NOD2: variants seen among roughly 807,000 people sequenced by gnomAD.
NOD2 encodes nucleotide binding oligomerization domain containing 2.
In NOD2, 86 loss-of-function variants were observed where a neutral mutation model predicts 90.9. The observed-to-expected ratio is 0.95, with a 90% CI of 0.79 to 1.13. The LOEUF (loss-of-function observed/expected upper bound fraction) is 1.13. NOD2 is among the 50% of genes most tolerant of loss of function. The pLI is 0.00. For missense variants in NOD2, 1,238 were observed against 1,283.8 expected (o/e 0.96, Z 0.55); for synonymous variants, 581 against 554.6 (o/e 1.05, Z -0.67).
intron 1 of NOD2, chr16:50,697,755 T>C: frequency 3.5e-6 from 1 of 288,080 alleles, no homozygotes; most frequent in Non-Finnish European, 6.9e-6. Flanking sequence ...AGTAACCTCA[T>C]TGCCTCAGTT....
rs1208002758 is a variant in NOD2, at chr16:50,712,148, T to C, written c.2156T>C (p.Leu719Pro). 6 of 1,614,010 alleles carry C rather than the reference T, an allele frequency of 3.7e-6. No individual in the cohort carries two copies. The Admixed American group carries it at 5.0e-5, about 13-fold the overall frequency. ...GGGTTCATCTGGCTCATCCGGAGCC[T>C]GTACGAGATGCAGGAGGAGCGGCTG... ...MPGFIWLIRS[L>P]YEMQEERLAR... Residue 719 changes from leucine to proline, a missense_variant, in exon 4 of 12, where the codon CTG becomes CCG. By Grantham distance (98) the Leu-to-Pro change is moderately conservative. Coordinates refer to ENST00000647318, the MANE Select transcript of NOD2 (RefSeq NM_001370466.1).
chr16:50,726,855 G>A (rs1335783589), intron 10 of NOD2, among the ~76,000 whole-genome samples: 2 of 152,188 alleles, frequency 1.3e-5, no homozygotes, highest in Non-Finnish European at 2.9e-5. Flanking sequence ...TGAGAGCCCA[G>A]GCTTGCTGGG....
chr16:50,716,813 G>T, intron 5 of NOD2, 78 bp from the exon 6 acceptor site: 1 of 1,516,704 alleles, frequency 6.6e-7, no homozygotes, highest in Non-Finnish European at 9.2e-7. Context: ...GCCCAGAGGG[G>T]AAGGGCAACC....
chr16:50,708,613 C>A (rs1964312556), intron 3 of NOD2, among the ~76,000 whole-genome samples: 1 of 152,242 alleles, frequency 6.6e-6, no homozygotes, highest in South Asian at 2.1e-4. Flanking sequence ...CCCACCTACA[C>A]TTTCTCTTTT....
chr16:50,702,052 C>A (rs973744900), intron 2 of NOD2, among the ~76,000 whole-genome samples: 1 of 152,126 alleles, frequency 6.6e-6, no homozygotes, highest in African/African-American at 2.4e-5. Flanking sequence ...CTGAAGTGAT[C>A]CTCCCGCCTC....
intron 9 of NOD2, among the ~76,000 whole-genome samples, chr16:50,723,871 A>G (rs1965174480): frequency 2.0e-5 from 3 of 152,204 alleles, no homozygotes; most frequent in African/African-American, 7.2e-5. Flanking sequence ...GGTTACTACT[A>G]CTATTACTGC....
At chr16:50,729,743 C>A in intron 10 of NOD2, 75 bp from the exon 11 acceptor site, 2 of 1,258,810 alleles carry the variant, frequency 1.6e-6, no homozygotes, top group Non-Finnish European at 2.3e-6. Context: ...CTAACTCCTG[C>A]AGTCTCTTTA....
chr16:50,721,842 G>C (rs975005476), intron 7 of NOD2, among the ~76,000 whole-genome samples: 16 of 152,060 alleles, frequency 1.1e-4, no homozygotes, highest in African/African-American at 3.9e-4. Flanking sequence ...GTATTTAACT[G>C]GTCACTTTTT....
At chr16:50,729,440 C>T (rs1174016520) in intron 10 of NOD2, among the ~76,000 whole-genome samples, 3 of 152,138 alleles carry the variant, frequency 2.0e-5, no homozygotes, top group African/African-American at 7.2e-5. Context: ...TGCTCGATGG[C>T]ACGGGTACTC....
chr16:50,719,731 C>A (rs779674675), intron 6 of NOD2, 194 bp from the exon 7 acceptor site: 2 of 704,308 alleles, frequency 2.8e-6, no homozygotes, highest in Non-Finnish European at 2.6e-6. Context: ...GCCCCTTTCC[C>A]TTTGCTGGGG....
At position 50,711,959 on chromosome 16, in the gene NOD2, C is replaced by A. The variant is rs1406646236; in HGVS notation, c.1967C>A (p.Ser656Tyr). The A allele has an allele frequency of 3.7e-6, 6 of 1,613,140 alleles. No homozygotes were observed. The East Asian group carries it at 1.3e-4, about 36-fold the overall frequency. Residue 656 changes from serine (S) to tyrosine (Y), a missense_variant, in exon 4 of 12, where the codon TCC becomes TAC. Ser to Tyr is a moderately radical substitution (Grantham distance 144, BLOSUM62 -2). Transcript: ENST00000647318. ...GCAGCCTTCCTGGCAGGGCTGTTGT[C>A]CCGGGAGCACTGGGGCCTGCTGGCT... ...ITAAFLAGLL[S>Y]REHWGLLAEC...
intron 3 of NOD2, among the ~76,000 whole-genome samples, chr16:50,709,346 T>C (rs1330043215): frequency 6.6e-6 from 1 of 152,100 alleles, no homozygotes; most frequent in East Asian, 1.9e-4. Flanking sequence ...TTGAAAATAG[T>C]GGGCCAGTGT....
chr16:50,705,883 T>A (rs186095479), intron 2 of NOD2, among the ~76,000 whole-genome samples: 86 of 152,320 alleles, frequency 5.6e-4, no homozygotes, highest in African/African-American at 2.0e-3. Context: ...CAAAAATCTT[T>A]GTCTTGGAAA....
At chr16:50,730,212 T>C (rs1965407537) in intron 11 of NOD2, among the ~76,000 whole-genome samples, 1 of 152,216 alleles carries the variant, frequency 6.6e-6, no homozygotes. Context: ...CCCGCCCTCC[T>C]AGAAATTGCA....
chr16:50,706,843 C>T (rs1266415525), intron 2 of NOD2, among the ~76,000 whole-genome samples: 1 of 151,902 alleles, frequency 6.6e-6, no homozygotes, highest in Non-Finnish European at 1.5e-5. Flanking sequence ...ACTACAGGCA[C>T]CTGCCACCAC....
intron 2 of NOD2, among the ~76,000 whole-genome samples, chr16:50,706,990 G>A (rs1964226361): frequency 6.6e-6 from 1 of 152,178 alleles, no homozygotes; most frequent in African/African-American, 2.4e-5. Flanking sequence ...GAGCCACCAT[G>A]CTCAGCCATA....
chr16:50,708,514 T>G (rs2150802741), intron 3 of NOD2, among the ~76,000 whole-genome samples: 1 of 152,158 alleles, frequency 6.6e-6, no homozygotes, highest in Non-Finnish European at 1.5e-5. Context: ...GAGAAGTAGG[T>G]GGTGTTTTTT....
At position 50,710,950 on chromosome 16, in the gene NOD2, A is replaced by C; in HGVS notation, c.958A>C (p.Thr320Pro). The change falls in exon 4 of 12, where the codon ACT (threonine) becomes CCT (proline). Residue 320 changes from threonine (T) to proline (P), a missense_variant. Thr to Pro is a conservative substitution (Grantham distance 38). Around this residue, in one of 3 missense-constraint regions of NOD2, gnomAD observed 567 missense variants for 577.3 expected, o/e 0.98. Transcript: ENST00000647318. Reference protein sequence around the residue: ...QCMAKPLSVRTLLFEHCCWPD... With the variant: ...QCMAKPLSVRPLLFEHCCWPD... ...CATGGCCAAACCACTCTCTGTGCGG[A>C]CTCTACTCTTTGAGCACTGCTGTTG... 6.2e-7 allele frequency: 1 copy of C among 1,613,896 alleles called. No homozygotes were observed. The highest frequency in any genetic ancestry group is 8.5e-7 in the Non-Finnish European group (1 of 1,179,982).
chr16:50,707,940 C>T lies in NOD2; in HGVS notation c.545C>T (p.Pro182Leu), dbSNP rs753744335. 1.7e-5 allele frequency: 28 copies of T among 1,612,922 alleles called. 1 individual carries two copies. The highest frequency in any genetic ancestry group is 2.1e-5 in the Non-Finnish European group (25 of 1,179,008). ...LLQHVQELPV[P>L]LALPLEAATC... is the part of the protein sequence containing the mutation. Reference sequence around the variant, plus strand: ...CAACATGTTCAGGAATTACCAGTCCCATTGGCCCTGCCTTTGGAAGGTAGG... The same window carrying T: ...CAACATGTTCAGGAATTACCAGTCCTATTGGCCCTGCCTTTGGAAGGTAGG... Residue 182 changes from proline to leucine, a missense_variant, in exon 3 of 12, where the codon CCA (proline) becomes CTA (leucine). Around this residue, in one of 3 missense-constraint regions of NOD2, gnomAD observed 567 missense variants for 577.3 expected, o/e 0.98. Transcript: ENST00000647318.
Sources: gnomAD v4.1 joint callset for allele counts (sites outside exome capture counted in the v4.1 genomes callset) on GRCh38, gnomAD v4.1.1 for gene constraint, gnomAD v4.1.1 regional missense constraint, MANE v1.5 for transcripts, NCBI Gene and HGNC (gene_info 2026-07-23, HGNC 2026-07-21) for gene names.